NXPH1: variants seen among roughly 807,000 people sequenced by gnomAD.
NXPH1 encodes neurexophilin 1.
In NXPH1, 5 loss-of-function variants were observed where a neutral mutation model predicts 23.7. The observed-to-expected ratio is 0.21, with a 90% CI of 0.11 to 0.44. The LOEUF (loss-of-function observed/expected upper bound fraction) is 0.44, where lower values mean the gene tolerates loss of function less well. NXPH1 is among the 20% of genes least tolerant of loss of function. The pLI, the probability that NXPH1 is intolerant of heterozygous loss-of-function variation, is 0.99. For synonymous variants in NXPH1, 144 were observed against 122.2 expected, an observed-to-expected ratio of 1.18 and a Z score of -1.18; for missense variants, 324 against 321.6, an observed-to-expected ratio of 1.01 and a Z score of -0.06.
intron 2 of NXPH1, among the ~76,000 whole-genome samples, chr7:8,523,758 C>T (rs953788475): frequency 6.6e-6 from 1 of 152,168 alleles, no homozygotes; most frequent in East Asian, 1.9e-4. Flanking sequence ...CTAAATTTCT[C>T]TTTCTGGATC....
intron 2 of NXPH1, among the ~76,000 whole-genome samples, chr7:8,639,953 C>G (rs1269636901): frequency 1.3e-5 from 2 of 152,124 alleles, no homozygotes; most frequent in Admixed American, 6.6e-5. Flanking sequence ...AGCATGAAAA[C>G]GAACTAATAA....
At chr7:8,676,169 G>A (rs565487858) in intron 2 of NXPH1, among the ~76,000 whole-genome samples, 122 of 152,268 alleles carry the variant, frequency 8.0e-4, no homozygotes, top group African/African-American at 2.6e-3. Flanking sequence ...TTGAAAACAA[G>A]TATTATAAAT....
chr7:8,467,720 C>T (rs577324532), intron 2 of NXPH1, among the ~76,000 whole-genome samples: 11 of 152,186 alleles, frequency 7.2e-5, no homozygotes, highest in East Asian at 1.9e-4. Context: ...GAAACTATGA[C>T]CAGTTAGTTA....
intron 2 of NXPH1, among the ~76,000 whole-genome samples, chr7:8,656,994 A>G (rs1820593783): frequency 6.6e-6 from 1 of 152,198 alleles, no homozygotes; most frequent in Non-Finnish European, 1.5e-5. Context: ...TGTGTATGGC[A>G]GAGTAAGATT....
At chr7:8,439,576 C>T (rs540833369) in intron 2 of NXPH1, among the ~76,000 whole-genome samples, 34 of 152,324 alleles carry the variant, frequency 2.2e-4, no homozygotes, top group Non-Finnish European at 4.3e-4. Flanking sequence ...AATTAAATTG[C>T]TAATAATCAA....
intron 2 of NXPH1, among the ~76,000 whole-genome samples, chr7:8,710,387 T>C (rs1479790452): frequency 2.0e-5 from 3 of 152,204 alleles, no homozygotes; most frequent in African/African-American, 2.4e-5. Flanking sequence ...TTTTAATCAA[T>C]TCTTCCATGA....
At chr7:8,479,992 A>G (rs1817046038) in intron 2 of NXPH1, among the ~76,000 whole-genome samples, 1 of 152,038 alleles carries the variant, frequency 6.6e-6, no homozygotes, top group Non-Finnish European at 1.5e-5. Flanking sequence ...AATAATTAAT[A>G]AATAAAATTA....
At position 8,605,272 on chromosome 7, in the gene NXPH1, A is replaced by C. The variant is rs190015038; in HGVS notation, c.55-145736A>C. On this transcript the variant is annotated intron_variant, in intron 2 of 2. Coordinates refer to ENST00000405863, the MANE Select transcript of NXPH1 (RefSeq NM_152745.3). Reference sequence around the variant, plus strand: ...TGGGGAATGGCAAAGGCTAATACTCAACAGATGGCAAAGTCCTAAAACCTA... The same window carrying C: ...TGGGGAATGGCAAAGGCTAATACTCCACAGATGGCAAAGTCCTAAAACCTA... Among the ~76,000 whole-genome samples, 4 of 152,152 alleles carry C rather than the reference A, an allele frequency of 2.6e-5. No homozygotes were observed. In the East Asian group the frequency reaches 7.7e-4, roughly 29 times the overall value.
At chr7:8,449,777 C>A (rs1190198381) in intron 2 of NXPH1, among the ~76,000 whole-genome samples, 1 of 151,968 alleles carries the variant, frequency 6.6e-6, no homozygotes, top group South Asian at 2.1e-4. Flanking sequence ...TTTTTTTCTC[C>A]CTCCTTTGGG....
At chr7:8,575,399 A>G (rs973938352) in intron 2 of NXPH1, among the ~76,000 whole-genome samples, 4 of 152,182 alleles carry the variant, frequency 2.6e-5, no homozygotes, top group African/African-American at 9.7e-5. Context: ...AAAACTCATT[A>G]AAATTCTTTT....
chr7:8,741,894 T>C (rs987893339), intron 2 of NXPH1, among the ~76,000 whole-genome samples: 1 of 152,060 alleles, frequency 6.6e-6, no homozygotes, highest in African/African-American at 2.4e-5. Context: ...TCTGCCAAGA[T>C]ACACATGGCA....
chr7:8,561,145 G>C (rs78925031), intron 2 of NXPH1, among the ~76,000 whole-genome samples: 2,460 of 151,650 alleles, frequency 0.016, 57 homozygotes, highest in African/African-American at 0.055. Flanking sequence ...CAGGGACTCA[G>C]CTGGGCTCTG....
chr7:8,528,762 T>C (rs1243523374), intron 2 of NXPH1, among the ~76,000 whole-genome samples: 1 of 152,220 alleles, frequency 6.6e-6, no homozygotes, highest in Non-Finnish European at 1.5e-5. Flanking sequence ...CTGTTTTTCT[T>C]GTCCCAGGTG....
intron 2 of NXPH1, among the ~76,000 whole-genome samples, chr7:8,445,879 G>C (rs1055663923): frequency 3.3e-5 from 5 of 152,206 alleles, no homozygotes; most frequent in Non-Finnish European, 7.3e-5. Context: ...TTCAGCTACA[G>C]AATGAAAGTA....
intron 2 of NXPH1, among the ~76,000 whole-genome samples, chr7:8,521,101 G>A (rs1056515542): frequency 2.0e-5 from 3 of 152,080 alleles, no homozygotes; most frequent in South Asian, 2.1e-4. Context: ...ACTTCCTAGG[G>A]TGATTCTAGT....
intron 2 of NXPH1, among the ~76,000 whole-genome samples, chr7:8,711,950 T>C (rs1298852333): frequency 1.3e-5 from 2 of 152,236 alleles, no homozygotes; most frequent in Non-Finnish European, 2.9e-5. Flanking sequence ...CATCCAGTTG[T>C]GAGGCAATTA....
chr7:8,607,883 A>T (rs1042669206), intron 2 of NXPH1, among the ~76,000 whole-genome samples: 1 of 152,250 alleles, frequency 6.6e-6, no homozygotes, highest in Admixed American at 6.5e-5. Context: ...TCTTAATCCA[A>T]TATGACTGGT....
At chr7:8,733,044 C>T (rs184500018) in intron 2 of NXPH1, among the ~76,000 whole-genome samples, 1 of 151,874 alleles carries the variant, frequency 6.6e-6, no homozygotes, top group Non-Finnish European at 1.5e-5. Context: ...TACTACCTGA[C>T]AGGCCCCCTG....
chr7:8,656,753 C>G (rs1055457029), intron 2 of NXPH1, among the ~76,000 whole-genome samples: 1 of 150,348 alleles, frequency 6.7e-6, no homozygotes. Flanking sequence ...TCCATGTGAT[C>G]TCATTGTTCA....
Sources: gnomAD v4.1 joint callset for allele counts (sites outside exome capture counted in the v4.1 genomes callset) on GRCh38, gnomAD v4.1.1 for gene constraint, MANE v1.5 for transcripts, NCBI Gene and HGNC (gene_info 2026-07-23, HGNC 2026-07-21) for gene names.